Variants in ZFP14 observed in about 807,000 individuals in gnomAD.
ZFP14 encodes zinc finger protein 14 homolog.
A neutral mutation model predicts 54.5 loss-of-function variants in ZFP14; 22 were observed. The ratio of observed to expected loss-of-function variants is 0.40; its 90% confidence interval spans 0.29 to 0.58. The LOEUF (loss-of-function observed/expected upper bound fraction) is 0.58, where lower values mean the gene tolerates loss of function less well. Ranked by LOEUF, ZFP14 falls within the 20% of genes least tolerant of loss-of-function variation. The probability of loss-of-function intolerance (pLI) is 0.39; values close to 1 mark genes in which losing one functional copy is unlikely to be tolerated. For missense variants in ZFP14, 470 were observed against 637.8 expected (o/e 0.74, Z 2.83); for synonymous variants, 159 against 204.0 (o/e 0.78, Z 1.88).
At chr19:36,379,025 G>A (rs956352369) in intron 1 of ZFP14, 138 bp downstream of exon 1, 5 of 152,418 alleles carry the variant, frequency 3.3e-5, no homozygotes, top group African/African-American at 9.6e-5. Flanking sequence ...AAGCGAGAAG[G>A]CAGAGGACGC....
chr19:36,341,724 G>A lies in ZFP14; in HGVS notation c.236-134C>T. 1.3e-6 allele frequency: 1 copy of A among 771,672 alleles called. No individual in the cohort carries two copies. 47.8% of individuals were successfully genotyped at this position (771,672 alleles called of 1,614,324 possible). On this transcript the variant is annotated intron_variant, in intron 4 of 4. Coordinates refer to ENST00000270001, the MANE Select transcript of ZFP14 (RefSeq NM_020917.3). This position sits in a 1 kb window ranked among gnomAD's most constrained non-coding sequence, Gnocchi z 4.2. The stretch of plus-strand genomic sequence containing the variant: ...TGTTACAAATTGAATGGATTAGACA[G>A]ATCTCAAACATAGACATTTCTGCCA...
Position 36,341,137 on chromosome 19 carries a change from C to T in ZFP14, c.689G>A (p.Cys230Tyr). 1.2e-6 allele frequency: 2 copies of T among 1,614,180 alleles called. No individual in the cohort carries two copies. Among genetic ancestry groups the T allele is most frequent in the Non-Finnish European group, 1.7e-6 (2 of 1,179,996 alleles). Residue 230 changes from cysteine to tyrosine, a missense_variant, in exon 5 of 5, where the codon TGT (cysteine) becomes TAT (tyrosine). Cys to Tyr is a radical substitution (Grantham distance 194, BLOSUM62 -2). Coordinates refer to ENST00000270001, the MANE Select transcript of ZFP14 (RefSeq NM_020917.3). The surrounding 1 kb of genome is among the most constrained non-coding windows in gnomAD (Gnocchi z 4.2). ...TGTAAAGGCCTTCCCACACTCCTTA[C>T]ATTCATAGGGTTTCTCACCGGTGTG... Reference protein sequence around the residue: ...KLHTGEKPYECKECGKAFTVL... With the variant: ...KLHTGEKPYEYKECGKAFTVL...
chr19:36,339,423 G>A lies in ZFP14; in HGVS notation c.*801C>T, dbSNP rs1163528005. 1 of 152,162 alleles carries A rather than the reference G, an allele frequency of 6.6e-6. No individual in the cohort carries two copies. Among genetic ancestry groups the A allele is most frequent in the Non-Finnish European group, 1.5e-5 (1 of 68,042 alleles). The allele number at this position is 152,162 out of a possible 1,614,324, so 9.4% of individuals were successfully genotyped here. A position where few individuals can be genotyped will look rare whatever the true frequency, so the allele number is the denominator to read the frequency against. On this transcript the variant is annotated 3_prime_UTR_variant, in exon 5 of 5. Transcript: ENST00000270001. ...CTCTTGTATCATCCCGTTCTCTTGA[G>A]TGTGGACTATCCTAGTAACTTACTT...
Position 36,336,467 on chromosome 19 carries a change from G to A in ZFP14, c.*3757C>T, listed in dbSNP as rs1040879543. ...TTGGTCAGGCTGGTCTCAAAATCCC[G>A]ACCTCAGGTGATCCACCTGCCATGG... On this transcript the variant is annotated 3_prime_UTR_variant, in exon 5 of 5. Coordinates refer to ENST00000270001, the MANE Select transcript of ZFP14 (RefSeq NM_020917.3). The A allele has an allele frequency of 3.9e-5, 6 of 152,040 alleles. No homozygotes were observed. The highest frequency in any genetic ancestry group is 1.2e-4 in the African/African-American group (5 of 41,356). The allele number at this position is 152,040 out of a possible 1,614,324, so 9.4% of individuals were successfully genotyped here.
chr19:36,361,951 A>G (rs2031717407), intron 3 of ZFP14, among the ~76,000 whole-genome samples, 161 bp downstream of exon 3: 1 of 152,224 alleles, frequency 6.6e-6, no homozygotes, highest in African/African-American at 2.4e-5. Context: ...TCTGAAGGGC[A>G]TAGCAGACTG....
chr19:36,366,806 A>G (rs1208107225), intron 2 of ZFP14, among the ~76,000 whole-genome samples: 1 of 152,100 alleles, frequency 6.6e-6, no homozygotes, highest in Non-Finnish European at 1.5e-5. Flanking sequence ...TGGTTTGTAT[A>G]TTTTTTTGTA....
In ZFP14 at chr19:36,349,877, C is replaced by T. The variant is rs1052994054; in HGVS notation, c.236-8287G>A. On this transcript the variant is annotated intron_variant, in intron 4 of 4. Transcript: ENST00000270001. ...AAAAAAGAACAATAGATAGGCTGGG[C>T]GTGGTGGCTCACACCTGTAATCCCA... Among the ~76,000 whole-genome samples the T allele has an allele frequency of 1.4e-4, 14 of 100,048 alleles. 3 individuals carry two copies. The highest frequency in any genetic ancestry group is 2.1e-4 in the Admixed American group (2 of 9,342). The allele number at this position is 100,048 out of a possible 152,430, so 65.6% of individuals were successfully genotyped here.
chr19:36,348,099 CA>C (rs1365924860), intron 4 of ZFP14, among the ~76,000 whole-genome samples: 1 of 152,076 alleles, frequency 6.6e-6, no homozygotes, highest in Non-Finnish European at 1.5e-5. Flanking sequence ...TTAGAAAAGT[CA>C]ATTTCTAATG....
chr19:36,375,263 A>C (rs1055554248), intron 1 of ZFP14, among the ~76,000 whole-genome samples: 1 of 152,210 alleles, frequency 6.6e-6, no homozygotes, highest in African/African-American at 2.4e-5. Context: ...TATGAAACCC[A>C]GTTACCTCCA....
Position 36,353,466 on chromosome 19 carries a change from C to T in ZFP14, c.235+6969G>A, listed in dbSNP as rs142812730. On this transcript the variant is annotated intron_variant, in intron 4 of 4. Transcript: ENST00000270001. ...CTGTAATTCCAGCACTTTGGGAGGC[C>T]GAGGCAGGCAGATCACAAGGTCAGG... Among the ~76,000 whole-genome samples, 79 of 139,196 alleles carry T rather than the reference C, an allele frequency of 5.7e-4. 9 individuals carry two copies. The highest frequency in any genetic ancestry group is 2.0e-3 in the African/African-American group (75 of 37,826). The allele number at this position is 139,196 out of a possible 152,430, so 91.3% of individuals were successfully genotyped here. A position where few individuals can be genotyped will look rare whatever the true frequency, so the allele number is the denominator to read the frequency against.
At chr19:36,358,270 C>G (rs2031654900) in intron 4 of ZFP14, among the ~76,000 whole-genome samples, 1 of 151,750 alleles carries the variant, frequency 6.6e-6, no homozygotes, top group South Asian at 2.1e-4. Flanking sequence ...GCCACTACAT[C>G]CAGCTAATGT....
intron 1 of ZFP14, among the ~76,000 whole-genome samples, chr19:36,368,275 C>T (rs2031826038): frequency 6.6e-6 from 1 of 152,190 alleles, no homozygotes; most frequent in Non-Finnish European, 1.5e-5. Context: ...TCGAGACCAG[C>T]CTGACCAACA....
chr19:36,335,041 A>C lies in ZFP14; in HGVS notation c.*5183T>G, dbSNP rs1458831606. ...AGGTGCAAGCCACCACGCCCAGCTA[A>C]TTTTGTATTTTTAGTAGAGACAGGG... On this transcript the variant is annotated 3_prime_UTR_variant, in exon 5 of 5. Coordinates refer to ENST00000270001, the MANE Select transcript of ZFP14 (RefSeq NM_020917.3). 3 of 152,132 alleles carry C rather than the reference A, an allele frequency of 2.0e-5. No homozygotes were observed. Among genetic ancestry groups the C allele is most frequent in the South Asian group, 2.1e-4 (1 of 4,818 alleles). The allele number at this position is 152,132 out of a possible 1,614,324, so 9.4% of individuals were successfully genotyped here.
At chr19:36,349,232 AAAAAAAAAAACAAAAAAAAAAAAAC>A (rs1366089082) in intron 4 of ZFP14, among the ~76,000 whole-genome samples, 9 of 35,450 alleles carry the variant, frequency 2.5e-4, no homozygotes, top group Admixed American at 2.4e-3. Flanking sequence ...ACTCTGTCTC[AAAAAAAAAAACAAAAAAAAAAAAAC>A]AAAAAAAAAA....
chr19:36,354,606 G>T (rs60043543), intron 4 of ZFP14, among the ~76,000 whole-genome samples: 6,573 of 141,876 alleles, frequency 0.046, 1,190 homozygotes, highest in African/African-American at 0.16. Flanking sequence ...ATATTCATAT[G>T]GCCTGGGCTC....
chr19:36,350,799 A>G (rs2031511594), intron 4 of ZFP14, among the ~76,000 whole-genome samples: 1 of 142,306 alleles, frequency 7.0e-6, no homozygotes, highest in Non-Finnish European at 1.6e-5. Flanking sequence ...CCTCTAAAAC[A>G]ATATCTCTGA....
chr19:36,372,043 AAGAG>A (rs1468263474), intron 1 of ZFP14, among the ~76,000 whole-genome samples: 1 of 76,326 alleles, frequency 1.3e-5, no homozygotes, highest in Admixed American at 1.4e-4. Context: ...AGAAAGAAAA[AAGAG>A]AGGAAAGAAA....
chr19:36,348,735 T>C (rs2145545062), intron 4 of ZFP14, among the ~76,000 whole-genome samples: 1 of 152,190 alleles, frequency 6.6e-6, no homozygotes, highest in Non-Finnish European at 1.5e-5. Flanking sequence ...AGTCAGGATT[T>C]GACCCCGCCT....
intron 4 of ZFP14, among the ~76,000 whole-genome samples, chr19:36,342,276 G>A (rs1169433648): frequency 6.7e-6 from 1 of 148,222 alleles, no homozygotes; most frequent in African/African-American, 2.5e-5. Context: ...TGCCTCCTGG[G>A]TTCAAGCAAT....
Sources: gnomAD v4.1 joint callset for allele counts (sites outside exome capture counted in the v4.1 genomes callset) on GRCh38, gnomAD v4.1.1 for gene constraint, Gnocchi (gnomAD v3.1) non-coding constraint, MANE v1.5 for transcripts, NCBI Gene and HGNC (gene_info 2026-07-23, HGNC 2026-07-21) for gene names.